CSF1R: variants seen among roughly 807,000 people sequenced by gnomAD.
The protein encoded by CSF1R is colony stimulating factor 1 receptor, also known as macrophage colony-stimulating factor 1 receptor.
A neutral mutation model predicts 110.0 loss-of-function variants in CSF1R; 40 were observed. That is an observed-to-expected ratio of 0.36 (90% CI 0.28 to 0.47). The LOEUF is 0.47. Ranked by LOEUF, CSF1R falls within the 20% of genes least tolerant of loss-of-function variation. The pLI is 0.99. For synonymous variants in CSF1R, 523 were observed against 503.4 expected (o/e 1.04, Z -0.52); for missense variants, 1,052 against 1,253.0 (o/e 0.84, Z 2.42).
chr5:150,068,233 T>G lies in CSF1R; in HGVS notation c.1608A>C (p.Leu536=), dbSNP rs773314238. Residue 536 remains leucine, a synonymous_variant, in exon 10 of 21, where the codon CTA becomes CTC. Coordinates refer to ENST00000675795, the MANE Select transcript of CSF1R (RefSeq NM_001288705.3). ...MALLLLLLLL[L]LYKYKQKPKY... is the part of the protein sequence containing the mutation. ...GGCTCACCTGCTTATACTTGTACAA[T>G]AGCAGCAGGAGCAGCAGCAGCAGCA... 1.2e-6 allele frequency: 2 copies of G among 1,611,004 alleles called. No homozygotes were observed. Among genetic ancestry groups the G allele is most frequent in the Non-Finnish European group, 1.7e-6 (2 of 1,179,348 alleles).
chr5:150,091,597 G>A (rs1264572529), intron 1 of CSF1R, among the ~76,000 whole-genome samples: 2 of 152,122 alleles, frequency 1.3e-5, no homozygotes, highest in African/African-American at 4.8e-5. Context: ...GGTTACCAGG[G>A]GATGTGGCAA....
chr5:150,078,073 G>A (rs763146252), intron 4 of CSF1R, 39 bp downstream of exon 4: 1 of 1,611,614 alleles, frequency 6.2e-7, no homozygotes, highest in South Asian at 1.1e-5. Context: ...TGTGCTGGGA[G>A]GATGGCCAGA....
intron 1 of CSF1R, among the ~76,000 whole-genome samples, chr5:150,097,534 C>G (rs1289513184): frequency 3.3e-5 from 5 of 151,690 alleles, no homozygotes; most frequent in African/African-American, 9.7e-5. Flanking sequence ...TAGAAAATGC[C>G]AAAGAATCTA....
At chr5:150,057,839 A>G (rs1410822206) in intron 14 of CSF1R, among the ~76,000 whole-genome samples, 2 of 152,152 alleles carry the variant, frequency 1.3e-5, no homozygotes, top group African/African-American at 4.8e-5. Context: ...CCTAATGCCA[A>G]TCTACCCCTG....
chr5:150,058,569 G>A lies in CSF1R; in HGVS notation c.2133-977C>T, dbSNP rs562834358. Among the ~76,000 whole-genome samples, 8 of 152,282 alleles carry A rather than the reference G, an allele frequency of 5.3e-5. No individual in the cohort carries two copies. In the South Asian group the frequency reaches 6.2e-4, roughly 12 times the overall value. On this transcript the variant is annotated intron_variant, in intron 14 of 20. Coordinates refer to ENST00000675795, the MANE Select transcript of CSF1R (RefSeq NM_001288705.3). ...CTCTGGGAATACTTTCCCCATCTGCGTATTTGAAGATGGAAGCTAATACTT... is the reference window on the plus strand; with the variant it reads ...CTCTGGGAATACTTTCCCCATCTGCATATTTGAAGATGGAAGCTAATACTT...
Position 150,070,483 on chromosome 5 carries a change from C to G in CSF1R, c.1171G>C (p.Ala391Pro). 1 of 1,558,670 alleles carries G rather than the reference C, an allele frequency of 6.4e-7. No homozygotes were observed. The highest frequency in any genetic ancestry group is 1.7e-4 in the Middle Eastern group (1 of 5,942). Reference protein sequence around the residue: ...FLARNPGGWRALTFELTLRYP... With the variant: ...FLARNPGGWRPLTFELTLRYP... ...CGAAGGGTGAGCTCAAACGTCAGAG[C>G]TCTCCAGCCTCCTGGGTTTCTGGCC... is the stretch of plus-strand genomic sequence containing the variant. Residue 391 changes from alanine (A) to proline (P), a missense_variant, in exon 7 of 21, where the codon GCT (alanine) becomes CCT (proline). Transcript: ENST00000675795.
At chr5:150,058,170 C>T (rs1757336085) in intron 14 of CSF1R, 1 of 454,822 alleles carries the variant, frequency 2.2e-6, no homozygotes, top group Admixed American at 2.4e-5. Context: ...AACTCATGTG[C>T]AGATAAATCA....
At chr5:150,100,423 G>A (rs1254473226) in intron 1 of CSF1R, among the ~76,000 whole-genome samples, 3 of 148,390 alleles carry the variant, frequency 2.0e-5, no homozygotes, top group Non-Finnish European at 3.0e-5. Flanking sequence ...TCAGCCTCCC[G>A]AGTAGCTGGG....
intron 1 of CSF1R, among the ~76,000 whole-genome samples, chr5:150,105,359 A>T (rs368524812): frequency 0.021 from 2,170 of 102,410 alleles, 17 homozygotes; most frequent in Middle Eastern, 0.034. Flanking sequence ...AAAAAAAAAA[A>T]AAAAATATAT....
At chr5:150,068,388 T>G in intron 9 of CSF1R, 58 bp from the exon 10 acceptor site, 1 of 1,248,806 alleles carries the variant, frequency 8.0e-7, no homozygotes, top group Non-Finnish European at 1.2e-6. Flanking sequence ...CCCCCTGAGG[T>G]CAGGCCTGCA....
chr5:150,062,515 C>G (rs1757577446), intron 10 of CSF1R, among the ~76,000 whole-genome samples: 1 of 118,080 alleles, frequency 8.5e-6, no homozygotes, highest in Admixed American at 1.2e-4. Context: ...ACTCACACAG[C>G]ATGTGTCTAT....
At chr5:150,087,072 G>A (rs1351527675), upstream of CSF1R, among the ~76,000 whole-genome samples, 1 of 152,130 alleles carries the variant, frequency 6.6e-6, no homozygotes, top group Non-Finnish European at 1.5e-5. Context: ...CAAACTCCTG[G>A]CTCAAGCCTT....
intron 10 of CSF1R, 38 bp from the exon 11 acceptor site, chr5:150,061,887 G>A (rs2113793182): frequency 1.2e-6 from 2 of 1,613,204 alleles, no homozygotes; most frequent in Non-Finnish European, 1.7e-6. Context: ...AGTCGGGGCT[G>A]GCAGGCAGTT....
chr5:150,081,065 G>C, intron 1 of CSF1R, 41 bp from the exon 2 acceptor site: 2 of 1,607,954 alleles, frequency 1.2e-6, no homozygotes, highest in South Asian at 2.2e-5. Flanking sequence ...TGAGGTCTAG[G>C]ATGCGCCCCT....
chr5:150,072,957 T>C (rs1758089376), intron 6 of CSF1R, among the ~76,000 whole-genome samples: 2 of 152,168 alleles, frequency 1.3e-5, no homozygotes, highest in Non-Finnish European at 2.9e-5. Flanking sequence ...GTGGGGCTGT[T>C]TTCTGCATTT....
chr5:150,066,865 A>G (rs216147), intron 10 of CSF1R, among the ~76,000 whole-genome samples: 22,637 of 151,852 alleles, frequency 0.15, 2,143 homozygotes, highest in East Asian at 0.47. Flanking sequence ...CAGACCCCCA[A>G]CCCCACCCTG....
intron 19 of CSF1R, 76 bp from the exon 20 acceptor site, chr5:150,054,506 A>G: frequency 1.6e-6 from 2 of 1,257,804 alleles, no homozygotes; most frequent in South Asian, 1.5e-5. Context: ...CCCTAGAGAG[A>G]CCTACCCAGC....
At chr5:150,069,830 G>T in intron 9 of CSF1R, 43 bp downstream of exon 9, 2 of 1,169,870 alleles carry the variant, frequency 1.7e-6, no homozygotes, top group Non-Finnish European at 1.1e-6. Context: ...CAGGGGCGGG[G>T]GGCGGGCGGG....
intron 1 of CSF1R, among the ~76,000 whole-genome samples, chr5:150,098,007 A>G (rs1759280176): frequency 6.6e-6 from 1 of 152,226 alleles, no homozygotes. Flanking sequence ...CAGACTCTAT[A>G]AAGCTATAAT....
Sources: allele counts gnomAD v4.1 joint callset (sites outside exome capture counted in the v4.1 genomes callset), GRCh38; gene constraint gnomAD v4.1.1; transcripts MANE v1.5; gene names NCBI Gene and HGNC (gene_info 2026-07-23, HGNC 2026-07-21).